AFF3: variants seen among roughly 807,000 people sequenced by gnomAD.
AFF3 encodes the protein ALF transcription elongation factor 3.
AFF3 carries 32 observed loss-of-function variants against 129.7 expected under a neutral mutation model. The ratio of observed to expected loss-of-function variants is 0.25; its 90% CI spans 0.19 to 0.33. The LOEUF (loss-of-function observed/expected upper bound fraction) is 0.33. Ranked by LOEUF, AFF3 falls within the 10% of genes least tolerant of loss-of-function variation. The pLI is 1.00. For missense variants in AFF3, 1,373 were observed against 1,592.0 expected (o/e 0.86, Z 2.34); for synonymous variants, 644 against 635.4 (o/e 1.01, Z -0.20).
intron 16 of AFF3, 51 bp downstream of exon 16, chr2:99,587,103 A>G: frequency 6.2e-7 from 1 of 1,608,270 alleles, no homozygotes; most frequent in East Asian, 2.2e-5. Flanking sequence ...GGTGACTTTC[A>G]GACCCAGAGA....
At chr2:100,014,828 G>C (rs1408720815) in intron 4 of AFF3, among the ~76,000 whole-genome samples, 1 of 141,396 alleles carries the variant, frequency 7.1e-6, no homozygotes, top group African/African-American at 2.7e-5. Context: ...CTGTTGCCCA[G>C]GCTGGAGTGC....
At chr2:100,065,397 C>T (rs772696004) in intron 4 of AFF3, among the ~76,000 whole-genome samples, 43 of 152,216 alleles carry the variant, frequency 2.8e-4, no homozygotes, top group Admixed American at 7.2e-4. Context: ...GTTCTTCTTA[C>T]GCATGCATTT....
intron 4 of AFF3, among the ~76,000 whole-genome samples, chr2:100,078,874 T>C (rs745361383): frequency 5.3e-5 from 8 of 152,122 alleles, no homozygotes; most frequent in Non-Finnish European, 8.8e-5. Flanking sequence ...AAATGCTATG[T>C]AAATAGCTGT....
intron 11 of AFF3, among the ~76,000 whole-genome samples, chr2:99,720,116 G>T (rs1340630888): frequency 6.6e-6 from 1 of 152,128 alleles, no homozygotes; most frequent in Non-Finnish European, 1.5e-5. Context: ...TTTTGTAGCT[G>T]GTCTGACAAT....
chr2:99,789,561 C>T (rs1685051019), intron 8 of AFF3, among the ~76,000 whole-genome samples: 1 of 152,066 alleles, frequency 6.6e-6, no homozygotes, highest in Non-Finnish European at 1.5e-5. Flanking sequence ...TATGGCTGCC[C>T]TCTCCCAGAA....
chr2:99,649,553 A>AT, intron 13 of AFF3, 73 bp downstream of exon 13: 1 of 1,506,500 alleles, frequency 6.6e-7, no homozygotes, highest in Non-Finnish European at 9.2e-7. Flanking sequence ...CCGATTATGA[A>AT]TTATATGCCA....
chr2:100,022,215 A>G (rs1683648074), intron 4 of AFF3, among the ~76,000 whole-genome samples: 1 of 152,194 alleles, frequency 6.6e-6, no homozygotes, highest in Non-Finnish European at 1.5e-5. Context: ...TTTCAGTTAG[A>G]CACCTAATCT....
In AFF3 at chr2:99,788,670, T is replaced by A. The variant is rs181265305; in HGVS notation, c.922-36369A>T. ...TATTACTGAAGAAACAGAAGTTTTT[T>A]AAAAATAAATTTAGTATAGTCTAAG... On this transcript the variant is annotated intron_variant, in intron 8 of 24. Coordinates refer to ENST00000672756, the MANE Select transcript of AFF3 (RefSeq NM_001386135.1). Among the ~76,000 whole-genome samples, 88 of 152,304 alleles carry A rather than the reference T, an allele frequency of 5.8e-4. No homozygotes were observed. In the East Asian group the frequency reaches 0.011, roughly 20 times the overall value.
In AFF3 at chr2:99,554,423, G is replaced by A. The variant is rs1429951259; in HGVS notation, c.3447C>T (p.Ser1149=). 1 of 1,614,182 alleles carries A rather than the reference G, an allele frequency of 6.2e-7. No individual in the cohort carries two copies. The highest frequency in any genetic ancestry group is 1.7e-5 in the Admixed American group (1 of 60,020). Reference sequence around the variant, plus strand: ...CCATCTGGTGGATGCGCTGTGGGATGCTGACGATGGTCGACGGGGACAGGG... The same window carrying A: ...CCATCTGGTGGATGCGCTGTGGGATACTGACGATGGTCGACGGGGACAGGG... ...ASALSPSTIV[S]IPQRIHQMAA... The change falls in exon 24 of 25, where the codon AGC becomes AGT. Residue 1149 remains serine, a synonymous_variant. Transcript: ENST00000672756.
At chr2:100,105,998 C>T (rs1429047523) in intron 2 of AFF3, 3 of 1,323,886 alleles carry the variant, frequency 2.3e-6, no homozygotes, top group Admixed American at 4.5e-5. Context: ...GACGGGATCC[C>T]TCCAGCGTCA....
At chr2:100,139,910 A>G (rs936112951) in intron 1 of AFF3, among the ~76,000 whole-genome samples, 4 of 152,234 alleles carry the variant, frequency 2.6e-5, no homozygotes, top group African/African-American at 9.6e-5. Context: ...GAAATCAACT[A>G]AATTTTCATA....
chr2:99,709,354 C>A (rs1382099224), intron 11 of AFF3, among the ~76,000 whole-genome samples: 2 of 152,158 alleles, frequency 1.3e-5, no homozygotes, highest in African/African-American at 2.4e-5. Context: ...GGGATAACCA[C>A]CCCAGAGAGC....
At chr2:99,733,046 A>AT (rs1679959540) in intron 10 of AFF3, among the ~76,000 whole-genome samples, 1 of 152,126 alleles carries the variant, frequency 6.6e-6, no homozygotes, top group South Asian at 2.1e-4. Flanking sequence ...AGAGTCATAC[A>AT]TATAGTCGTG....
intron 1 of AFF3, among the ~76,000 whole-genome samples, chr2:100,139,553 C>T (rs1237343213): frequency 2.0e-5 from 3 of 152,150 alleles, no homozygotes; most frequent in African/African-American, 7.2e-5. Context: ...CAGATAAAAA[C>T]TACAAAGAGG....
intron 18 of AFF3, among the ~76,000 whole-genome samples, chr2:99,572,290 A>T (rs868408437): frequency 4.4e-5 from 2 of 45,412 alleles, no homozygotes; most frequent in African/African-American, 9.4e-5. Flanking sequence ...TCCCCCTCCC[A>T]CCACCCCCCC....
intron 11 of AFF3, among the ~76,000 whole-genome samples, chr2:99,691,700 G>C (rs780425603): frequency 6.6e-6 from 1 of 152,174 alleles, no homozygotes; most frequent in Non-Finnish European, 1.5e-5. Flanking sequence ...TGTGGGGATA[G>C]AGTTGCAAAA....
intron 4 of AFF3, among the ~76,000 whole-genome samples, chr2:100,095,206 CTG>C (rs1326705362): frequency 1.6e-4 from 24 of 150,706 alleles, no homozygotes; most frequent in African/African-American, 4.9e-5. Context: ...GTAAAAGAAA[CTG>C]TATTAATTTG....
At chr2:99,801,070 A>G (rs1027389712) in intron 8 of AFF3, among the ~76,000 whole-genome samples, 2 of 152,230 alleles carry the variant, frequency 1.3e-5, no homozygotes, top group Non-Finnish European at 1.5e-5. Context: ...TACATATGTG[A>G]TATTTTCACC....
chr2:100,111,708 CAGA>C (rs1214774436), intron 2 of AFF3, among the ~76,000 whole-genome samples: 1 of 152,170 alleles, frequency 6.6e-6, no homozygotes, highest in African/African-American at 2.4e-5. Flanking sequence ...TGATTTACTT[CAGA>C]AGAAGTTTAC....
Sources: allele counts gnomAD v4.1 joint callset (sites outside exome capture counted in the v4.1 genomes callset), GRCh38; gene constraint gnomAD v4.1.1; transcripts MANE v1.5; gene names NCBI Gene and HGNC (gene_info 2026-07-23, HGNC 2026-07-21).